The following CADM2 variants were observed in gnomAD, a reference collection of about 807,000 sequenced individuals.
CADM2 encodes the protein immunoglobulin superfamily member 4D.
Under a neutral mutation model 49.8 loss-of-function variants are expected in CADM2, and 12 were observed. The ratio of observed to expected loss-of-function variants is 0.24; its 90% CI spans 0.15 to 0.39. The LOEUF is 0.39. CADM2 is among the 10% of genes least tolerant of loss of function. The pLI is 1.00. For missense variants in CADM2, 378 were observed against 492.3 expected (o/e 0.77, Z 2.20); for synonymous variants, 214 against 175.4 (o/e 1.22, Z -1.74).
chr3:85,688,960 A>T (rs1577089436), intron 1 of CADM2, among the ~76,000 whole-genome samples: 1 of 152,302 alleles, frequency 6.6e-6, no homozygotes, highest in East Asian at 1.9e-4. Flanking sequence ...ATGAAATCAA[A>T]TGTTCACGAC....
At chr3:85,673,411 A>G (rs1403354271) in intron 1 of CADM2, among the ~76,000 whole-genome samples, 1 of 151,790 alleles carries the variant, frequency 6.6e-6, no homozygotes, top group East Asian at 2.0e-4. Flanking sequence ...AGCTTATGTG[A>G]GTGTTCTCAT....
rs539748590 is a variant in CADM2 at position 85,683,471 on chromosome 3, T to A, written c.62-43051T>A. Among the ~76,000 whole-genome samples the A allele has an allele frequency of 2.0e-5, 3 of 152,302 alleles. No homozygotes were observed. In the East Asian group the frequency reaches 5.8e-4, roughly 29 times the overall value. On this transcript the variant is annotated intron_variant, in intron 1 of 9. Transcript: ENST00000383699. ...AGTGGAAATCTAATAACTTCAAACA[T>A]AAAATATTGATCCTGCTCTACTTAT...
At chr3:86,054,645 ATTC>A (rs1160665651) in intron 8 of CADM2, among the ~76,000 whole-genome samples, 1 of 152,116 alleles carries the variant, frequency 6.6e-6, no homozygotes, top group Admixed American at 6.5e-5. Flanking sequence ...TATTTAAAAA[ATTC>A]TTCTATACTA....
At chr3:85,938,591 A>G (rs557403830) in intron 7 of CADM2, among the ~76,000 whole-genome samples, 2 of 152,232 alleles carry the variant, frequency 1.3e-5, no homozygotes, top group Admixed American at 6.6e-5. Flanking sequence ...GATATACTCA[A>G]TCAGCAGGTT....
At chr3:85,730,434 T>C (rs1441000822) in intron 2 of CADM2, among the ~76,000 whole-genome samples, 1 of 145,048 alleles carries the variant, frequency 6.9e-6, no homozygotes, top group South Asian at 2.2e-4. Context: ...AGAGGCAGAC[T>C]CTGTCTAAAT....
At chr3:85,746,179 G>T (rs1269485142) in intron 2 of CADM2, among the ~76,000 whole-genome samples, 2 of 152,136 alleles carry the variant, frequency 1.3e-5, no homozygotes, top group East Asian at 3.9e-4. Context: ...ATTATTTTAT[G>T]GCAATCCAGT....
chr3:85,690,923 A>G (rs902555696), intron 1 of CADM2, among the ~76,000 whole-genome samples: 18 of 152,218 alleles, frequency 1.2e-4, no homozygotes, highest in African/African-American at 4.3e-4. Context: ...TGTGATGAGA[A>G]CATTCAAAAT....
chr3:85,786,633 A>C (rs1298714808), intron 2 of CADM2, among the ~76,000 whole-genome samples: 1 of 152,086 alleles, frequency 6.6e-6, no homozygotes, highest in African/African-American at 2.4e-5. Context: ...ATGTTACTAC[A>C]TATTGATCAA....
At chr3:85,826,922 A>C (rs1159954999) in intron 3 of CADM2, among the ~76,000 whole-genome samples, 1 of 151,876 alleles carries the variant, frequency 6.6e-6, no homozygotes, top group African/African-American at 2.4e-5. Context: ...TGGAAGTTAG[A>C]ATAGATATAA....
chr3:85,112,452 C>A (rs1308744763), intron 1 of CADM2, among the ~76,000 whole-genome samples: 5 of 150,956 alleles, frequency 3.3e-5, no homozygotes, highest in African/African-American at 1.2e-4. Flanking sequence ...GTTAAAGATT[C>A]CCCAGCATTT....
intron 1 of CADM2, among the ~76,000 whole-genome samples, chr3:85,232,638 G>A (rs2042320355): frequency 6.6e-6 from 1 of 151,924 alleles, no homozygotes; most frequent in East Asian, 1.9e-4. Context: ...CACCAAAAAA[G>A]CTTTACTGAT....
intron 1 of CADM2, among the ~76,000 whole-genome samples, chr3:85,459,352 T>C (rs1318309908): frequency 6.6e-6 from 1 of 152,124 alleles, no homozygotes; most frequent in African/African-American, 2.4e-5. Flanking sequence ...CAGCACAATT[T>C]CCCCAGGTGT....
chr3:85,023,849 C>A (rs906833160), intron 1 of CADM2, among the ~76,000 whole-genome samples: 3 of 151,870 alleles, frequency 2.0e-5, no homozygotes, highest in African/African-American at 7.3e-5. Flanking sequence ...TTTGTCATGT[C>A]TATTTTTCTA....
rs566207740 is a variant in CADM2, at chr3:85,548,039, T to C, written c.62-178483T>C. On this transcript the variant is annotated intron_variant, in intron 1 of 9. Transcript: ENST00000383699. ...CCTGATTTCAGTGATCAGTCCTCAG[T>C]TGTAAACTAGCCTCCGTCACTTACT... 1.2e-4 allele frequency among the ~76,000 whole-genome samples: 18 copies of C among 152,024 alleles called. No homozygotes were observed. The South Asian group carries it at 3.7e-3, about 32-fold the overall frequency.
At chr3:85,268,019 G>T (rs1342131331) in intron 1 of CADM2, among the ~76,000 whole-genome samples, 5 of 149,128 alleles carry the variant, frequency 3.4e-5, no homozygotes, top group Non-Finnish European at 7.4e-5. Context: ...AAAAGCAATA[G>T]GTTTCAGATA....
At chr3:85,388,543 T>C (rs1485990920) in intron 1 of CADM2, among the ~76,000 whole-genome samples, 1 of 152,202 alleles carries the variant, frequency 6.6e-6, no homozygotes, top group Non-Finnish European at 1.5e-5. Flanking sequence ...GTATGTATTT[T>C]ATATATATGT....
intron 1 of CADM2, among the ~76,000 whole-genome samples, chr3:85,685,915 C>T (rs565669846): frequency 4.6e-5 from 7 of 152,264 alleles, no homozygotes; most frequent in South Asian, 2.1e-4. Flanking sequence ...TGGGCCACCA[C>T]GCCTGGCCTT....
chr3:85,741,338 A>G (rs1242359658), intron 2 of CADM2, among the ~76,000 whole-genome samples: 2 of 151,756 alleles, frequency 1.3e-5, no homozygotes, highest in Non-Finnish European at 2.9e-5. Flanking sequence ...CTCAAGAGAA[A>G]AAAAAAATAC....
intron 3 of CADM2, among the ~76,000 whole-genome samples, chr3:85,821,617 G>A (rs553526478): frequency 7.8e-4 from 118 of 152,228 alleles, no homozygotes; most frequent in African/African-American, 2.8e-3. Context: ...GACTGTATCA[G>A]GAACTGTTTT....
Sources: allele counts gnomAD v4.1 joint callset (sites outside exome capture counted in the v4.1 genomes callset), GRCh38; gene constraint gnomAD v4.1.1; transcripts MANE v1.5; gene names NCBI Gene and HGNC (gene_info 2026-07-23, HGNC 2026-07-21).